Variants in CCSER1 observed in about 807,000 individuals in gnomAD.
CCSER1 encodes serine-rich coiled-coil domain-containing protein 1.
A neutral mutation model predicts 82.0 loss-of-function variants in CCSER1; 41 were observed. That is an observed-to-expected ratio of 0.50 (90% CI 0.39 to 0.65). CCSER1 has a LOEUF of 0.65. Among genes scored for constraint, CCSER1 ranks in the 30% least tolerant of loss-of-function variants. The probability of loss-of-function intolerance (pLI) is 0.00; values close to 1 mark genes in which losing one functional copy is unlikely to be tolerated. For missense variants in CCSER1, 1,119 were observed against 1,064.2 expected (o/e 1.05, Z -0.72); for synonymous variants, 414 against 383.9 (o/e 1.08, Z -0.92).
chr4:90,154,343 G>A (rs1041451699), intron 1 of CCSER1, among the ~76,000 whole-genome samples: 1 of 152,198 alleles, frequency 6.6e-6, no homozygotes, highest in African/African-American at 2.4e-5. Context: ...TTTGGCTTAG[G>A]ATTGACGTGG....
chr4:91,080,658 A>G (rs1279947045), intron 9 of CCSER1, among the ~76,000 whole-genome samples: 1 of 152,200 alleles, frequency 6.6e-6, no homozygotes, highest in Non-Finnish European at 1.5e-5. Flanking sequence ...AACAAAATTG[A>G]TAGACCACTA....
Position 90,239,025 on chromosome 4 carries a change from A to G in CCSER1, c.-41-69219A>G, listed in dbSNP as rs547141709. 3.9e-5 allele frequency among the ~76,000 whole-genome samples: 6 copies of G among 152,108 alleles called. No homozygotes were observed. In the South Asian group the frequency reaches 1.2e-3, roughly 32 times the overall value. On this transcript the variant is annotated intron_variant, in intron 1 of 10. Transcript: ENST00000509176. ...GCCACCACACCCAGCTAATTTTTGT[A>G]TTTTTAGTAGAGACGGGGTTTTACC...
chr4:90,862,512 T>G (rs1765227375), intron 8 of CCSER1, among the ~76,000 whole-genome samples: 1 of 151,932 alleles, frequency 6.6e-6, no homozygotes, highest in Non-Finnish European at 1.5e-5. Context: ...GTAAATCTAA[T>G]CCTACCTTTA....
intron 10 of CCSER1, among the ~76,000 whole-genome samples, chr4:91,328,342 A>G (rs1385809767): frequency 6.6e-6 from 1 of 152,250 alleles, no homozygotes; most frequent in African/African-American, 2.4e-5. Flanking sequence ...GTAAAGGGGA[A>G]GTAAGCACAT....
At chr4:90,627,598 A>G (rs1177271645) in intron 5 of CCSER1, among the ~76,000 whole-genome samples, 1 of 152,154 alleles carries the variant, frequency 6.6e-6, no homozygotes, top group Non-Finnish European at 1.5e-5. Flanking sequence ...ATTATATCCT[A>G]AAACAGTAAT....
chr4:90,438,066 T>G (rs1036475656), intron 4 of CCSER1, among the ~76,000 whole-genome samples: 2 of 152,122 alleles, frequency 1.3e-5, no homozygotes, highest in Admixed American at 1.3e-4. Context: ...AAAGTTATTG[T>G]GAAATTAAAG....
chr4:91,115,869 ATTATAC>A (rs1726544912), intron 10 of CCSER1, among the ~76,000 whole-genome samples: 1 of 30,856 alleles, frequency 3.2e-5, no homozygotes, highest in East Asian at 7.8e-4. Context: ...ATTTTTTTTT[ATTATAC>A]TTTAAGTTCT....
chr4:91,439,177 T>A (rs1017400367), intron 10 of CCSER1, among the ~76,000 whole-genome samples: 11 of 152,068 alleles, frequency 7.2e-5, no homozygotes, highest in African/African-American at 2.2e-4. Context: ...GACACATAAT[T>A]GTCAGATTCA....
chr4:91,155,642 C>A (rs954962730), intron 10 of CCSER1, among the ~76,000 whole-genome samples: 1 of 151,948 alleles, frequency 6.6e-6, no homozygotes, highest in Non-Finnish European at 1.5e-5. Context: ...GAATGAATTA[C>A]TTCTCTCTTT....
At chr4:91,219,740 A>C (rs1418242172) in intron 10 of CCSER1, among the ~76,000 whole-genome samples, 1 of 152,216 alleles carries the variant, frequency 6.6e-6, no homozygotes, top group East Asian at 1.9e-4. Flanking sequence ...TATTTTTATC[A>C]GGATTACTGC....
At chr4:90,545,715 A>G (rs988221849) in intron 5 of CCSER1, among the ~76,000 whole-genome samples, 9 of 152,164 alleles carry the variant, frequency 5.9e-5, no homozygotes, top group Non-Finnish European at 1.0e-4. Context: ...TGGTTCAAGC[A>G]TGAATATCTT....
chr4:90,283,422 T>A (rs1364488507), intron 1 of CCSER1, among the ~76,000 whole-genome samples: 2 of 151,990 alleles, frequency 1.3e-5, no homozygotes, highest in Admixed American at 6.6e-5. Flanking sequence ...GATACAAGCA[T>A]ATAGCATGCA....
intron 10 of CCSER1, among the ~76,000 whole-genome samples, chr4:91,292,985 AGT>A (rs1180676176): frequency 1.3e-5 from 2 of 152,042 alleles, no homozygotes; most frequent in South Asian, 2.1e-4. Flanking sequence ...TTCCTTCAGC[AGT>A]GACAATTCAG....
intron 10 of CCSER1, among the ~76,000 whole-genome samples, chr4:91,210,557 T>A (rs2149083640): frequency 6.6e-6 from 1 of 151,602 alleles, no homozygotes; most frequent in East Asian, 1.9e-4. Flanking sequence ...TTTTTTTTAA[T>A]ACTCCTTCCA....
intron 10 of CCSER1, among the ~76,000 whole-genome samples, chr4:91,459,043 C>T (rs1474705668): frequency 6.6e-6 from 1 of 151,762 alleles, no homozygotes; most frequent in African/African-American, 2.4e-5. Context: ...TTATGGGACA[C>T]AATATATAAT....
chr4:90,668,549 T>C (rs2149132985), intron 6 of CCSER1, among the ~76,000 whole-genome samples: 1 of 152,194 alleles, frequency 6.6e-6, no homozygotes, highest in South Asian at 2.1e-4. Flanking sequence ...TGCATCAGAG[T>C]ATTATATGCT....
chr4:90,162,553 T>C (rs575237386), intron 1 of CCSER1, among the ~76,000 whole-genome samples: 34 of 152,176 alleles, frequency 2.2e-4, no homozygotes, highest in African/African-American at 7.9e-4. Flanking sequence ...CTTATCCTTT[T>C]TTAAATGAGC....
intron 1 of CCSER1, among the ~76,000 whole-genome samples, chr4:90,139,234 T>C (rs1410637502): frequency 1.3e-5 from 2 of 152,140 alleles, no homozygotes; most frequent in Admixed American, 1.3e-4. Context: ...GTCACTAGTG[T>C]GGTATTGATC....
intron 10 of CCSER1, chr4:91,324,994 A>C: frequency 2.9e-6 from 1 of 342,044 alleles, no homozygotes; most frequent in South Asian, 2.3e-5. Flanking sequence ...TCATGAAGGC[A>C]GATTTCCCCC....
Sources: gnomAD v4.1 joint callset for allele counts (sites outside exome capture counted in the v4.1 genomes callset) on GRCh38, gnomAD v4.1.1 for gene constraint, MANE v1.5 for transcripts, NCBI Gene and HGNC (gene_info 2026-07-23, HGNC 2026-07-21) for gene names.